DPP10: variants seen among roughly 807,000 people sequenced by gnomAD.
DPP10 encodes the protein inactive dipeptidyl peptidase 10.
A neutral mutation model predicts 120.9 loss-of-function variants in DPP10; 33 were observed. The ratio of observed to expected loss-of-function variants is 0.27; its 90% CI spans 0.21 to 0.37. The LOEUF (loss-of-function observed/expected upper bound fraction) is 0.37. Ranked by LOEUF, DPP10 falls within the 10% of genes least tolerant of loss-of-function variation. DPP10 has a pLI of 1.00. For synonymous variants in DPP10, 337 were observed against 326.1 expected, an observed-to-expected ratio of 1.03 and a Z score of -0.36; for missense variants, 816 against 942.8, an observed-to-expected ratio of 0.87 and a Z score of 1.76.
chr2:114,933,974 T>C (rs1372158346), intron 1 of DPP10, among the ~76,000 whole-genome samples: 1 of 152,218 alleles, frequency 6.6e-6, no homozygotes. Flanking sequence ...TTTCCTTCTA[T>C]TTTGAACAAG....
chr2:114,523,220 G>C (rs772464427), intron 1 of DPP10, among the ~76,000 whole-genome samples: 2 of 152,202 alleles, frequency 1.3e-5, no homozygotes, highest in Non-Finnish European at 2.9e-5. Flanking sequence ...GAACCACAGT[G>C]CTAGCCCCAT....
At chr2:115,535,750 G>A (rs1400195166) in intron 5 of DPP10, among the ~76,000 whole-genome samples, 11 of 151,668 alleles carry the variant, frequency 7.3e-5, no homozygotes, top group Non-Finnish European at 1.2e-4. Flanking sequence ...CATGAGCATG[G>A]AATGTTCTTC....
At chr2:114,944,357 G>A (rs1697195365) in intron 1 of DPP10, among the ~76,000 whole-genome samples, 1 of 151,962 alleles carries the variant, frequency 6.6e-6, no homozygotes, top group Non-Finnish European at 1.5e-5. Flanking sequence ...AATTTTACAG[G>A]AGAAAAATGG....
chr2:114,868,048 T>G (rs1690380674), intron 1 of DPP10, among the ~76,000 whole-genome samples: 1 of 152,234 alleles, frequency 6.6e-6, no homozygotes, highest in African/African-American at 2.4e-5. Flanking sequence ...ACTCACATCT[T>G]CTGGTAGATA....
At chr2:114,959,463 T>C (rs1340149799) in intron 1 of DPP10, among the ~76,000 whole-genome samples, 1 of 152,250 alleles carries the variant, frequency 6.6e-6, no homozygotes, top group Non-Finnish European at 1.5e-5. Flanking sequence ...TTTTGTTTAC[T>C]CATTCATCAG....
chr2:115,836,779 G>A, intron 24 of DPP10, 33 bp downstream of exon 24: 1 of 1,588,690 alleles, frequency 6.3e-7, no homozygotes, highest in Non-Finnish European at 8.6e-7. Flanking sequence ...CTGTTTGATA[G>A]GGTATGACCT....
chr2:115,777,167 T>C, intron 13 of DPP10, 41 bp from the exon 14 acceptor site: 1 of 1,583,162 alleles, frequency 6.3e-7, no homozygotes, highest in Non-Finnish European at 8.7e-7. Flanking sequence ...AGAGATGCTG[T>C]TTAAATGAAA....
intron 1 of DPP10, among the ~76,000 whole-genome samples, chr2:115,096,836 G>A (rs77648358): frequency 0.072 from 10,915 of 151,992 alleles, 581 homozygotes; most frequent in Middle Eastern, 0.12. Flanking sequence ...TTTATTTGTC[G>A]TAACAGTTCG....
rs1676378341 is a variant in DPP10 at position 114,726,946 on chromosome 2, C to T, written c.60+284108C>T. On this transcript the variant is annotated intron_variant, in intron 1 of 25. Coordinates refer to ENST00000410059, the MANE Select transcript of DPP10 (RefSeq NM_020868.6). The stretch of plus-strand genomic sequence containing the variant: ...GAATTATGCATAGTCTATCTTCATG[C>T]ATGCTTTCAGAAGGACATTTCTCAG... Among the ~76,000 whole-genome samples the T allele has an allele frequency of 2.0e-5, 3 of 152,214 alleles. No individual in the cohort carries two copies. In the South Asian group the frequency reaches 6.2e-4, roughly 32 times the overall value.
At chr2:114,589,045 G>A (rs73946200) in intron 1 of DPP10, among the ~76,000 whole-genome samples, 6 of 150,282 alleles carry the variant, frequency 4.0e-5, no homozygotes, top group South Asian at 2.2e-4. Flanking sequence ...TTTGGGGGGG[G>A]GGGTAGGGGA....
intron 5 of DPP10, among the ~76,000 whole-genome samples, chr2:115,612,101 C>T (rs1004510807): frequency 1.3e-5 from 2 of 152,128 alleles, no homozygotes; most frequent in Non-Finnish European, 2.9e-5. Flanking sequence ...CTATGGCCCT[C>T]ATCAGGGAAC....
At chr2:115,532,164 A>T (rs2078509524) in intron 5 of DPP10, among the ~76,000 whole-genome samples, 1 of 152,078 alleles carries the variant, frequency 6.6e-6, no homozygotes, top group South Asian at 2.1e-4. Context: ...TTAAGAGGGC[A>T]CAAACATTTT....
At chr2:115,211,304 T>G (rs2056494448) in intron 1 of DPP10, among the ~76,000 whole-genome samples, 1 of 151,756 alleles carries the variant, frequency 6.6e-6, no homozygotes, top group African/African-American at 2.4e-5. Flanking sequence ...TCATTTCTCA[T>G]AGGAAATCAT....
chr2:115,455,596 A>G (rs2073461156), intron 3 of DPP10, among the ~76,000 whole-genome samples: 1 of 152,164 alleles, frequency 6.6e-6, no homozygotes, highest in African/African-American at 2.4e-5. Flanking sequence ...CCAAAACAGC[A>G]TGGTACTGGT....
At chr2:114,710,988 T>C (rs746492352) in intron 1 of DPP10, among the ~76,000 whole-genome samples, 4 of 152,172 alleles carry the variant, frequency 2.6e-5, no homozygotes, top group Non-Finnish European at 5.9e-5. Context: ...GCCATCCTCC[T>C]GTGTGTATGG....
At chr2:114,674,202 A>C (rs1011466210) in intron 1 of DPP10, among the ~76,000 whole-genome samples, 1 of 152,028 alleles carries the variant, frequency 6.6e-6, no homozygotes, top group African/African-American at 2.4e-5. Context: ...GTTATAATAC[A>C]TGTTTTTGTA....
intron 1 of DPP10, among the ~76,000 whole-genome samples, chr2:115,199,250 A>T (rs1248436834): frequency 1.3e-5 from 2 of 152,018 alleles, no homozygotes; most frequent in Non-Finnish European, 2.9e-5. Flanking sequence ...AAACAGCCAC[A>T]CTTACAGTAA....
chr2:114,739,708 A>G (rs1558689521), intron 1 of DPP10, among the ~76,000 whole-genome samples: 1 of 152,138 alleles, frequency 6.6e-6, no homozygotes, highest in Non-Finnish European at 1.5e-5. Context: ...CCTGCCAGGC[A>G]TTCATTTACA....
At chr2:115,344,135 C>CAAAAA (rs751004918) in intron 3 of DPP10, among the ~76,000 whole-genome samples, 8 of 49,246 alleles carry the variant, frequency 1.6e-4, no homozygotes, top group East Asian at 8.8e-4. Flanking sequence ...GACTCCATCT[C>CAAAAA]AAAAAAAAAA....
Sources: allele counts gnomAD v4.1 joint callset (sites outside exome capture counted in the v4.1 genomes callset), GRCh38; gene constraint gnomAD v4.1.1; transcripts MANE v1.5; gene names NCBI Gene and HGNC (gene_info 2026-07-23, HGNC 2026-07-21).